The following LUZP2 variants were observed in gnomAD, a reference collection of about 807,000 sequenced individuals.
LUZP2 encodes the protein leucine zipper protein 2.
Under a neutral mutation model 51.6 loss-of-function variants are expected in LUZP2, and 52 were observed. That is an observed-to-expected ratio of 1.01 (90% CI 0.81 to 1.27). LUZP2 has a LOEUF of 1.27. Ranked by LOEUF, LUZP2 falls within the 50% of genes most tolerant of loss-of-function variation. The pLI, the probability that LUZP2 is intolerant of heterozygous loss-of-function variation, is 0.00. For synonymous variants in LUZP2, 154 were observed against 137.3 expected (o/e 1.12, Z -0.85); for missense variants, 436 against 395.4 (o/e 1.10, Z -0.87).
At chr11:24,764,725 C>T (rs1015374497) in intron 5 of LUZP2, among the ~76,000 whole-genome samples, 1 of 151,994 alleles carries the variant, frequency 6.6e-6, no homozygotes, top group Non-Finnish European at 1.5e-5. Context: ...CAGGCTGGCT[C>T]ATGCCTGTAA....
chr11:24,993,279 G>C (rs1036539479), intron 9 of LUZP2, among the ~76,000 whole-genome samples: 3 of 152,040 alleles, frequency 2.0e-5, no homozygotes, highest in Non-Finnish European at 4.4e-5. Flanking sequence ...GTTTTACTTT[G>C]TTTTCAATTA....
chr11:24,928,879 A>C (rs1398206312), intron 7 of LUZP2, among the ~76,000 whole-genome samples: 3 of 151,898 alleles, frequency 2.0e-5, no homozygotes. Context: ...TGTTGTTTGC[A>C]ATATTTTATT....
chr11:24,882,158 C>G (rs1233786069), intron 5 of LUZP2, among the ~76,000 whole-genome samples: 1 of 151,882 alleles, frequency 6.6e-6, no homozygotes, highest in Non-Finnish European at 1.5e-5. Context: ...GATATCACTT[C>G]TCAATGAATA....
At chr11:24,536,011 C>G (rs1241528316) in intron 1 of LUZP2, among the ~76,000 whole-genome samples, 3 of 151,654 alleles carry the variant, frequency 2.0e-5, no homozygotes, top group Non-Finnish European at 4.4e-5. Flanking sequence ...TCTCCTTGTA[C>G]GTGTCCATCA....
At chr11:24,615,876 C>G (rs1355144767) in intron 1 of LUZP2, among the ~76,000 whole-genome samples, 6 of 150,954 alleles carry the variant, frequency 4.0e-5, no homozygotes, top group Admixed American at 4.0e-4. Flanking sequence ...TATAGTGATA[C>G]CTCATTATGC....
chr11:25,036,804 A>C (rs1254495139), intron 9 of LUZP2, among the ~76,000 whole-genome samples: 1 of 151,948 alleles, frequency 6.6e-6, no homozygotes, highest in Middle Eastern at 3.2e-3. Flanking sequence ...ATTTTATTGC[A>C]CTGGGGTCCA....
rs777924178 is a variant in LUZP2 at position 24,910,850 on chromosome 11, A to C, written c.460-3626A>C. Among the ~76,000 whole-genome samples the C allele has an allele frequency of 2.0e-5, 3 of 152,276 alleles. No homozygotes were observed. The South Asian group carries it at 6.2e-4, about 32-fold the overall frequency. ...CGTCCTCCAGACTCCAGAATGGTAG[A>C]TCCACCGACAACTTGCACCGTGCAC... On this transcript the variant is annotated intron_variant, in intron 6 of 11. Coordinates refer to ENST00000336930, the MANE Select transcript of LUZP2 (RefSeq NM_001009909.4).
intron 1 of LUZP2, among the ~76,000 whole-genome samples, chr11:24,678,468 T>C (rs891638920): frequency 6.6e-6 from 1 of 152,082 alleles, no homozygotes; most frequent in African/African-American, 2.4e-5. Context: ...TTGTTATAAG[T>C]GTCCTAAATC....
intron 1 of LUZP2, among the ~76,000 whole-genome samples, chr11:24,686,939 C>T (rs1217438428): frequency 3.3e-5 from 5 of 152,006 alleles, no homozygotes; most frequent in African/African-American, 1.2e-4. Flanking sequence ...AATCATTTGA[C>T]CACTGGTTAC....
chr11:24,552,890 TG>T lies in LUZP2; in HGVS notation c.62+55587del, dbSNP rs545829046. Among the ~76,000 whole-genome samples the T allele has an allele frequency of 2.7e-3, 416 of 151,638 alleles. 1 individual carries two copies. Among genetic ancestry groups the T allele is most frequent in the African/African-American group, 9.6e-3 (399 of 41,506 alleles). ...ATGAAATAACCAATAAAAATTTCATTGGATTTTGAAAATTAATACTTTATTT... is the reference window on the plus strand; with the variant it reads ...ATGAAATAACCAATAAAAATTTCATTGATTTTGAAAATTAATACTTTATTT... On this transcript the variant is annotated intron_variant, in intron 1 of 11. Coordinates refer to ENST00000336930, the MANE Select transcript of LUZP2 (RefSeq NM_001009909.4).
chr11:24,575,816 G>GCCTTT (rs1393192969), intron 1 of LUZP2, among the ~76,000 whole-genome samples: 1 of 151,894 alleles, frequency 6.6e-6, no homozygotes. Flanking sequence ...CAGCATTTTT[G>GCCTTT]CCTTTCTCTC....
At chr11:24,859,635 A>G (rs983306612) in intron 5 of LUZP2, among the ~76,000 whole-genome samples, 1 of 152,222 alleles carries the variant, frequency 6.6e-6, no homozygotes, top group Non-Finnish European at 1.5e-5. Context: ...CTTCACCAGC[A>G]ATCAAGGTAT....
intron 5 of LUZP2, among the ~76,000 whole-genome samples, chr11:24,800,907 A>G (rs1849680158): frequency 6.6e-6 from 1 of 152,132 alleles, no homozygotes; most frequent in African/African-American, 2.4e-5. Context: ...ATATATGTCC[A>G]AAAGCTATTA....
intron 2 of LUZP2, 31 bp from the exon 3 acceptor site, chr11:24,732,087 T>C (rs191708683): frequency 1.2e-4 from 195 of 1,568,202 alleles, no homozygotes; most frequent in Non-Finnish European, 1.7e-4. Context: ...CTCACCTGAA[T>C]AAAACTTCAT....
At chr11:24,960,233 C>T (rs1010625349) in intron 7 of LUZP2, among the ~76,000 whole-genome samples, 2 of 152,060 alleles carry the variant, frequency 1.3e-5, no homozygotes, top group African/African-American at 2.4e-5. Flanking sequence ...TGTCTTTGAC[C>T]AGCTTTGCTA....
intron 7 of LUZP2, among the ~76,000 whole-genome samples, chr11:24,955,093 A>T (rs1855178084): frequency 6.6e-6 from 1 of 152,054 alleles, no homozygotes; most frequent in South Asian, 2.1e-4. Context: ...GCCTAGCAAA[A>T]CACTAGTACT....
chr11:24,714,924 A>G (rs1305200366), intron 1 of LUZP2, among the ~76,000 whole-genome samples: 3 of 152,168 alleles, frequency 2.0e-5, no homozygotes, highest in African/African-American at 7.2e-5. Context: ...CACTGTCAGA[A>G]GAGCCTAGAG....
intron 1 of LUZP2, among the ~76,000 whole-genome samples, chr11:24,624,298 T>G (rs956838333): frequency 6.6e-6 from 1 of 152,174 alleles, no homozygotes. Context: ...CTGTGTGTAT[T>G]TGGTGCTGGT....
intron 1 of LUZP2, among the ~76,000 whole-genome samples, chr11:24,584,162 T>G (rs1852977275): frequency 6.6e-6 from 1 of 152,178 alleles, no homozygotes; most frequent in Non-Finnish European, 1.5e-5. Flanking sequence ...ATCATTGCAG[T>G]AGCCTTATTG....
Sources: allele counts gnomAD v4.1 joint callset (sites outside exome capture counted in the v4.1 genomes callset), GRCh38; gene constraint gnomAD v4.1.1; transcripts MANE v1.5; gene names NCBI Gene and HGNC (gene_info 2026-07-23, HGNC 2026-07-21).